Variants in ARID2 observed in about 807,000 individuals in gnomAD.
ARID2 encodes AT-rich interaction domain 2, also known as AT-rich interactive domain-containing protein 2.
ARID2 carries 32 observed loss-of-function variants against 184.6 expected under a neutral mutation model. The observed-to-expected ratio is 0.17, with a 90% CI of 0.13 to 0.23. The LOEUF (loss-of-function observed/expected upper bound fraction) is 0.23, where lower values mean the gene tolerates loss of function less well. Ranked by LOEUF, ARID2 falls within the 10% of genes least tolerant of loss-of-function variation. The pLI is 1.00. For synonymous variants in ARID2, 836 were observed against 772.6 expected, an observed-to-expected ratio of 1.08 and a Z score of -1.36; for missense variants, 1,696 against 2,197.6, an observed-to-expected ratio of 0.77 and a Z score of 4.56.
chr12:45,883,727 T>C (rs1265420211), intron 16 of ARID2, among the ~76,000 whole-genome samples: 2 of 151,860 alleles, frequency 1.3e-5, no homozygotes, highest in Non-Finnish European at 2.9e-5. Flanking sequence ...ATCCCAGTTC[T>C]GTTACTTAGC....
intron 6 of ARID2, among the ~76,000 whole-genome samples, chr12:45,832,671 A>G: frequency 6.6e-6 from 1 of 152,124 alleles, no homozygotes; most frequent in African/African-American, 2.4e-5. Context: ...CTACATTTAC[A>G]GTCTGGTCTC....
chr12:45,743,466 C>T (rs971927587), intron 3 of ARID2, among the ~76,000 whole-genome samples: 13 of 152,190 alleles, frequency 8.5e-5, no homozygotes, highest in Non-Finnish European at 1.9e-4. Context: ...TGAACTCTTA[C>T]TTTCAAGCAA....
intron 3 of ARID2, among the ~76,000 whole-genome samples, chr12:45,793,957 G>A (rs1453763912): frequency 6.6e-6 from 1 of 151,856 alleles, no homozygotes; most frequent in Non-Finnish European, 1.5e-5. Context: ...TTGAAACTAT[G>A]TTGTAAGCAG....
intron 3 of ARID2, among the ~76,000 whole-genome samples, chr12:45,769,825 A>G (rs780745002): frequency 2.0e-5 from 3 of 152,234 alleles, no homozygotes; most frequent in Non-Finnish European, 2.9e-5. Flanking sequence ...GTGAACCCCA[A>G]TAAAATTAAT....
In ARID2 at chr12:45,852,615, G is replaced by A. The variant is rs116531573; in HGVS notation, c.4492G>A (p.Ala1498Thr). The A allele has an allele frequency of 9.2e-4, 1,477 of 1,614,160 alleles. 13 individuals carry two copies. In the African/African-American group the frequency reaches 0.018, roughly 19 times the overall value. Residue 1498 changes from alanine (A) to threonine (T), a missense_variant, in exon 15 of 21, where the codon GCC (alanine) becomes ACC (threonine). Ala to Thr is a moderately conservative substitution (Grantham distance 58). Transcript: ENST00000334344. ...AGGATCAAAAGTATCCCATTCTCCT[G>A]CCCTATCATCTGACGTTCGGTCTAC... ...DSGSKVSHSP[A>T]LSSDVRSTNG...
intron 18 of ARID2, among the ~76,000 whole-genome samples, chr12:45,892,815 A>C (rs1011662269): frequency 6.6e-6 from 1 of 152,168 alleles, no homozygotes; most frequent in Non-Finnish European, 1.5e-5. Context: ...TCATCTCTGC[A>C]GTTCTTCCAT....
chr12:45,848,426 A>C lies in ARID2; in HGVS notation c.1581-410A>C, dbSNP rs79501362. 5.3e-5 allele frequency among the ~76,000 whole-genome samples: 8 copies of C among 152,224 alleles called. No individual in the cohort carries two copies. In the East Asian group the frequency reaches 1.5e-3, roughly 29 times the overall value. On this transcript the variant is annotated intron_variant, in intron 12 of 20. Transcript: ENST00000334344. ...CAAGAGCCAAGGAAAGTTTAACCTTAGTTCAGTTTCCCCCCATTTTCTTCA... is the reference window on the plus strand; with the variant it reads ...CAAGAGCCAAGGAAAGTTTAACCTTCGTTCAGTTTCCCCCCATTTTCTTCA...
chr12:45,876,577 A>G (rs1044345675), intron 16 of ARID2, among the ~76,000 whole-genome samples: 5 of 151,968 alleles, frequency 3.3e-5, no homozygotes, highest in African/African-American at 1.2e-4. Context: ...AGGAAAAAAA[A>G]AAAAAGACAC....
chr12:45,770,971 C>T (rs1941864474), intron 3 of ARID2, among the ~76,000 whole-genome samples: 1 of 152,124 alleles, frequency 6.6e-6, no homozygotes, highest in South Asian at 2.1e-4. Context: ...TGGCATTTGA[C>T]TGCCTCCTGT....
At chr12:45,834,566 A>T (rs1943180338) in intron 6 of ARID2, among the ~76,000 whole-genome samples, 1 of 152,140 alleles carries the variant, frequency 6.6e-6, no homozygotes, top group South Asian at 2.1e-4. Context: ...AACATGGTGA[A>T]ACCCCATCTC....
intron 3 of ARID2, among the ~76,000 whole-genome samples, chr12:45,805,072 A>G (rs1942576488): frequency 6.6e-6 from 1 of 151,956 alleles, no homozygotes; most frequent in African/African-American, 2.4e-5. Flanking sequence ...ATTTTTATCT[A>G]TGCTTTCCTT....
At chr12:45,753,502 A>G (rs896505779) in intron 3 of ARID2, among the ~76,000 whole-genome samples, 7 of 152,176 alleles carry the variant, frequency 4.6e-5, no homozygotes, top group African/African-American at 1.7e-4. Flanking sequence ...TGAGTGGTAA[A>G]TACATTAGTA....
intron 3 of ARID2, chr12:45,789,669 A>T (rs948313433): frequency 6.6e-6 from 1 of 152,156 alleles, no homozygotes; most frequent in Admixed American, 6.5e-5. Flanking sequence ...GGATTTGTCA[A>T]TTGCTCTGTG....
At chr12:45,876,166 T>C (rs1428692200) in intron 16 of ARID2, among the ~76,000 whole-genome samples, 1 of 152,226 alleles carries the variant, frequency 6.6e-6, no homozygotes, top group Non-Finnish European at 1.5e-5. Context: ...TTAATTGGCC[T>C]AATTTCATTA....
intron 3 of ARID2, among the ~76,000 whole-genome samples, chr12:45,762,994 G>A (rs1213489646): frequency 6.6e-6 from 1 of 152,106 alleles, no homozygotes; most frequent in Non-Finnish European, 1.5e-5. Flanking sequence ...ACTATTTATT[G>A]GGTGCTTATT....
rs932131551 is a variant in ARID2 at position 45,735,155 on chromosome 12, A to G, written c.284+3841A>G. Reference sequence around the variant, plus strand: ...GTAAAGCTCTTTCTTAAATTACACCATTTGAGGGAGTTTACATTTGTTAGT... The same window carrying G: ...GTAAAGCTCTTTCTTAAATTACACCGTTTGAGGGAGTTTACATTTGTTAGT... On this transcript the variant is annotated intron_variant, in intron 3 of 20. Transcript: ENST00000334344. Among the ~76,000 whole-genome samples the G allele has an allele frequency of 7.3e-5, 11 of 151,016 alleles. No homozygotes were observed. The Middle Eastern group carries it at 0.01, about 142-fold the overall frequency.
Position 45,860,891 on chromosome 12 carries a change from G to C in ARID2, c.4864G>C (p.Gly1622Arg). ...PSPFSGSSQP[G>R]DPMRKPGQNF... ...TCCATTCAGTGGATCCAGTCAGCCT[G>C]GAGATCCAATGAGAAAACCTGGACA... The change falls in exon 16 of 21, where the codon GGA becomes CGA. Residue 1622 changes from glycine to arginine, a missense_variant. Transcript: ENST00000334344. 3 of 1,603,656 alleles carry C rather than the reference G, an allele frequency of 1.9e-6. No homozygotes were observed. Among genetic ancestry groups the C allele is most frequent in the Non-Finnish European group, 1.7e-6 (2 of 1,174,844 alleles).
intron 7 of ARID2, 42 bp from the exon 8 acceptor site, chr12:45,836,699 A>T (rs2138126064): frequency 6.3e-7 from 1 of 1,599,526 alleles, no homozygotes; most frequent in Non-Finnish European, 8.5e-7. Context: ...TTGAAGTATT[A>T]ATAAATGAAA....
At chr12:45,766,279 T>G (rs1328177262) in intron 3 of ARID2, among the ~76,000 whole-genome samples, 3 of 151,510 alleles carry the variant, frequency 2.0e-5, no homozygotes, top group Non-Finnish European at 4.4e-5. Flanking sequence ...GCGATTCTCC[T>G]GCCTCAGCCT....
Sources: gnomAD v4.1 joint callset for allele counts (sites outside exome capture counted in the v4.1 genomes callset) on GRCh38, gnomAD v4.1.1 for gene constraint, MANE v1.5 for transcripts, NCBI Gene and HGNC (gene_info 2026-07-23, HGNC 2026-07-21) for gene names.